FSIP1: variants seen among roughly 807,000 people sequenced by gnomAD.
FSIP1 encodes the protein fibrous sheath-interacting protein 1.
Under a neutral mutation model 60.9 loss-of-function variants are expected in FSIP1, and 65 were observed. That is an observed-to-expected ratio of 1.07 (90% CI 0.87 to 1.31). FSIP1 has a LOEUF of 1.31. FSIP1 is among the 40% of genes most tolerant of loss of function. The pLI, the probability that FSIP1 is intolerant of heterozygous loss-of-function variation, is 0.00. For synonymous variants in FSIP1, 209 were observed against 221.2 expected, an observed-to-expected ratio of 0.94 and a Z score of 0.49; for missense variants, 675 against 665.5, an observed-to-expected ratio of 1.01 and a Z score of -0.16.
chr15:39,773,138 C>T (rs1897944377), intron 2 of FSIP1, among the ~76,000 whole-genome samples: 1 of 151,884 alleles, frequency 6.6e-6, no homozygotes, highest in Admixed American at 6.6e-5. Context: ...ATATTTTAAG[C>T]TCATTTTCTG....
At chr15:39,754,964 G>T (rs1453430285) in intron 5 of FSIP1, among the ~76,000 whole-genome samples, 1 of 152,046 alleles carries the variant, frequency 6.6e-6, no homozygotes, top group Admixed American at 6.6e-5. Context: ...GAAGTAAATG[G>T]AAGTTGACCA....
chr15:39,640,094 C>A (rs944949351), intron 10 of FSIP1, among the ~76,000 whole-genome samples: 1 of 152,084 alleles, frequency 6.6e-6, no homozygotes, highest in Non-Finnish European at 1.5e-5. Flanking sequence ...CTTGTGTTAA[C>A]CCCATGTATG....
Position 39,663,779 on chromosome 15 carries a change from C to A in FSIP1, c.1189-45534G>T, listed in dbSNP as rs961362813. ...GATAAAAAAGGAAATAGACAAAAGT[C>A]TCAAAGGGACAACTAGGTTTTTAAA... On this transcript the variant is annotated intron_variant, in intron 10 of 11. Coordinates refer to ENST00000350221, the MANE Select transcript of FSIP1 (RefSeq NM_152597.5). Among the ~76,000 whole-genome samples, 4 of 152,118 alleles carry A rather than the reference C, an allele frequency of 2.6e-5. No individual in the cohort carries two copies. The South Asian group carries it at 8.3e-4, about 31-fold the overall frequency.
chr15:39,598,377 A>C (rs1169304590), downstream of FSIP1: 2 of 152,246 alleles, frequency 1.3e-5, no homozygotes. Flanking sequence ...TACCAAGGTG[A>C]AGAAGCAGGA....
intron 9 of FSIP1, among the ~76,000 whole-genome samples, chr15:39,717,307 G>A (rs1028665332): frequency 1.2e-4 from 18 of 152,162 alleles, no homozygotes; most frequent in African/African-American, 4.3e-4. Context: ...GCCACAGCTG[G>A]GACAATCAGA....
intron 10 of FSIP1, among the ~76,000 whole-genome samples, chr15:39,693,450 TTGAC>T (rs1894684801): frequency 6.6e-6 from 1 of 152,248 alleles, no homozygotes; most frequent in Non-Finnish European, 1.5e-5. Context: ...TTCGCTGTGT[TTGAC>T]TGCTACAATA....
intron 5 of FSIP1, among the ~76,000 whole-genome samples, chr15:39,746,874 CCAA>C (rs942554172): frequency 2.0e-5 from 3 of 151,956 alleles, no homozygotes; most frequent in African/African-American, 7.3e-5. Flanking sequence ...GATAAGAAAA[CCAA>C]CGTGAGAGTG....
chr15:39,780,435 G>C (rs993517662), intron 1 of FSIP1, among the ~76,000 whole-genome samples: 3 of 152,204 alleles, frequency 2.0e-5, no homozygotes, highest in Non-Finnish European at 4.4e-5. Context: ...TAAGGCAGGA[G>C]AATGGCCTGA....
chr15:39,644,210 T>C (rs1199805750), intron 10 of FSIP1, among the ~76,000 whole-genome samples: 1 of 152,138 alleles, frequency 6.6e-6, no homozygotes, highest in Non-Finnish European at 1.5e-5. Context: ...TTCATGCTCA[T>C]CACAGCTGAA....
intron 8 of FSIP1, among the ~76,000 whole-genome samples, chr15:39,734,689 G>C (rs534224960): frequency 3.9e-5 from 6 of 152,168 alleles, no homozygotes; most frequent in African/African-American, 1.2e-4. Flanking sequence ...AACCACAAGA[G>C]GATAGGGAGA....
intron 10 of FSIP1, among the ~76,000 whole-genome samples, chr15:39,655,835 G>A (rs1893049678): frequency 6.6e-6 from 1 of 152,072 alleles, no homozygotes; most frequent in Admixed American, 6.6e-5. Flanking sequence ...AGGTTGCTCT[G>A]GATCTTTCCA....
chr15:39,707,780 C>T (rs1230332298), intron 10 of FSIP1, among the ~76,000 whole-genome samples: 1 of 152,066 alleles, frequency 6.6e-6, no homozygotes, highest in Non-Finnish European at 1.5e-5. Context: ...CTCAGGGGAC[C>T]TGCCAAGGTC....
intron 8 of FSIP1, 151 bp from the exon 9 acceptor site, chr15:39,726,898 G>A: frequency 1.7e-6 from 1 of 601,306 alleles, no homozygotes; most frequent in South Asian, 2.2e-5. Context: ...AATTAACATT[G>A]GGTTAGTAAA....
At position 39,623,094 on chromosome 15, in the gene FSIP1, T is replaced by C. The variant is rs1595541812; in HGVS notation, c.1189-4849A>G. On this transcript the variant is annotated intron_variant, in intron 10 of 11. Coordinates refer to ENST00000350221, the MANE Select transcript of FSIP1 (RefSeq NM_152597.5). ...CATCTCCACCCAGATAAATGCCAGT[T>C]TGATGTAGAAGCTAAATTTGATGAG... Among the ~76,000 whole-genome samples the C allele has an allele frequency of 4.0e-5, 6 of 151,862 alleles. No homozygotes were observed. The South Asian group carries it at 1.2e-3, about 32-fold the overall frequency.
intron 10 of FSIP1, among the ~76,000 whole-genome samples, chr15:39,701,944 C>T (rs1160983173): frequency 2.0e-5 from 3 of 152,158 alleles, no homozygotes; most frequent in Non-Finnish European, 4.4e-5. Context: ...TTTCCTTCTA[C>T]CAGGAGCTGG....
At chr15:39,644,235 C>A (rs1315346600) in intron 10 of FSIP1, among the ~76,000 whole-genome samples, 2 of 152,166 alleles carry the variant, frequency 1.3e-5, no homozygotes, top group East Asian at 3.8e-4. Flanking sequence ...TGCGACTGTC[C>A]CGAACACTTC....
chr15:39,758,679 G>T (rs373318593), intron 5 of FSIP1, among the ~76,000 whole-genome samples: 16 of 152,140 alleles, frequency 1.1e-4, no homozygotes, highest in African/African-American at 3.9e-4. Context: ...TATAGCTTTA[G>T]AGGTGCTTTT....
chr15:39,719,339 C>A (rs1566900100), intron 9 of FSIP1, among the ~76,000 whole-genome samples: 1 of 152,196 alleles, frequency 6.6e-6, no homozygotes, highest in Non-Finnish European at 1.5e-5. Context: ...GGAATGCCTT[C>A]ATGGAGAATT....
intron 10 of FSIP1, among the ~76,000 whole-genome samples, chr15:39,708,011 A>G (rs1356317388): frequency 2.0e-5 from 3 of 152,178 alleles, no homozygotes; most frequent in Non-Finnish European, 4.4e-5. Context: ...CTGGTATGGG[A>G]AATGATGGAG....
Sources: allele counts gnomAD v4.1 joint callset (sites outside exome capture counted in the v4.1 genomes callset), GRCh38; gene constraint gnomAD v4.1.1; transcripts MANE v1.5; gene names NCBI Gene and HGNC (gene_info 2026-07-23, HGNC 2026-07-21).